DKK2: variants seen among roughly 807,000 people sequenced by gnomAD.
DKK2 encodes the protein dickkopf-related protein 2.
DKK2 carries 11 observed loss-of-function variants against 28.1 expected under a neutral mutation model. That is an observed-to-expected ratio of 0.39 (90% CI 0.25 to 0.65). The LOEUF (loss-of-function observed/expected upper bound fraction) is 0.65. DKK2 is among the 30% of genes least tolerant of loss of function. The pLI is 0.47. For synonymous variants in DKK2, 135 were observed against 126.5 expected (o/e 1.07, Z -0.45); for missense variants, 326 against 335.5 (o/e 0.97, Z 0.22).
At chr4:106,928,104 TC>T (rs549434176) in intron 1 of DKK2, among the ~76,000 whole-genome samples, 82 of 152,268 alleles carry the variant, frequency 5.4e-4, no homozygotes, top group African/African-American at 1.9e-3. Context: ...CGCATCACCA[TC>T]TTTCCATTCT....
At position 107,035,613 on chromosome 4, in the gene DKK2, G is replaced by A. The variant is rs781009136; in HGVS notation, c.-22C>T. The A allele has an allele frequency of 1.2e-6, 2 of 1,612,364 alleles. No individual in the cohort carries two copies. The highest frequency in any genetic ancestry group is 2.2e-5 in the East Asian group (1 of 44,864). On this transcript the variant is annotated 5_prime_UTR_variant, in exon 1 of 4. Coordinates refer to ENST00000285311, the MANE Select transcript of DKK2 (RefSeq NM_014421.3). ...CCATCTCCCGGCGAGGGGGTCCCCA[G>A]GAAGACGCAAAGCCCGGAGGGGTGG...
At chr4:106,931,751 T>C (rs1194761136) in intron 1 of DKK2, among the ~76,000 whole-genome samples, 2 of 152,136 alleles carry the variant, frequency 1.3e-5, no homozygotes, top group African/African-American at 2.4e-5. Flanking sequence ...TTATAAAATA[T>C]ACAAGTCATC....
chr4:107,009,755 C>A (rs1400459548), intron 1 of DKK2, among the ~76,000 whole-genome samples: 1 of 151,746 alleles, frequency 6.6e-6, no homozygotes, highest in Non-Finnish European at 1.5e-5. Flanking sequence ...CACTTTGACA[C>A]AGCATTGGAA....
At chr4:106,999,667 T>G (rs1360225417) in intron 1 of DKK2, among the ~76,000 whole-genome samples, 1 of 152,142 alleles carries the variant, frequency 6.6e-6, no homozygotes, top group Non-Finnish European at 1.5e-5. Context: ...GTAAGTAAAT[T>G]TTTTCAAATT....
chr4:106,951,647 T>C (rs530065605), intron 1 of DKK2, among the ~76,000 whole-genome samples: 4 of 152,248 alleles, frequency 2.6e-5, no homozygotes, highest in Admixed American at 2.6e-4. Flanking sequence ...AGTAGAAGAA[T>C]GACAGACACC....
At chr4:107,028,362 G>A (rs536099006) in intron 1 of DKK2, among the ~76,000 whole-genome samples, 1 of 152,158 alleles carries the variant, frequency 6.6e-6, no homozygotes, top group Non-Finnish European at 1.5e-5. Context: ...CTTATTTGGT[G>A]CATGAGCATT....
At chr4:106,930,563 G>T (rs1724487090) in intron 1 of DKK2, among the ~76,000 whole-genome samples, 1 of 152,164 alleles carries the variant, frequency 6.6e-6, no homozygotes, top group South Asian at 2.1e-4. Flanking sequence ...ATTTAATGAT[G>T]AGAGGAAGAA....
intron 1 of DKK2, among the ~76,000 whole-genome samples, chr4:106,954,026 A>G (rs1033475795): frequency 6.6e-6 from 1 of 152,172 alleles, no homozygotes; most frequent in African/African-American, 2.4e-5. Flanking sequence ...TATAATAATA[A>G]CTACTATTTA....
At chr4:106,970,731 T>C (rs961240566) in intron 1 of DKK2, among the ~76,000 whole-genome samples, 6 of 152,094 alleles carry the variant, frequency 3.9e-5, no homozygotes, top group Non-Finnish European at 8.8e-5. Context: ...AAAGTGGCAC[T>C]GCTGATCATT....
chr4:106,966,874 C>T (rs1722788843), intron 1 of DKK2, among the ~76,000 whole-genome samples: 1 of 152,132 alleles, frequency 6.6e-6, no homozygotes, highest in South Asian at 2.1e-4. Flanking sequence ...CAATCACCTC[C>T]CCCCTGGTTC....
At chr4:106,933,528 A>G (rs1483146596) in intron 1 of DKK2, among the ~76,000 whole-genome samples, 1 of 152,214 alleles carries the variant, frequency 6.6e-6, no homozygotes, top group East Asian at 1.9e-4. Flanking sequence ...AGAGCTGTCA[A>G]CACACCCATT....
intron 1 of DKK2, among the ~76,000 whole-genome samples, chr4:106,942,732 C>T (rs967155354): frequency 2.0e-5 from 3 of 152,066 alleles, no homozygotes; most frequent in African/African-American, 7.2e-5. Flanking sequence ...TTTTATACAA[C>T]TTTGCTAGGG....
At chr4:107,026,751 A>C (rs1223206629) in intron 1 of DKK2, among the ~76,000 whole-genome samples, 1 of 152,184 alleles carries the variant, frequency 6.6e-6, no homozygotes, top group East Asian at 1.9e-4. Flanking sequence ...GACTCCAGAA[A>C]ATATGAGGTT....
chr4:106,966,118 T>A (rs540131003), intron 1 of DKK2, among the ~76,000 whole-genome samples: 1 of 152,258 alleles, frequency 6.6e-6, no homozygotes, highest in Admixed American at 6.6e-5. Context: ...TAAAAATAAT[T>A]TGGGAAAATG....
intron 1 of DKK2, among the ~76,000 whole-genome samples, chr4:107,005,249 G>C (rs1402972577): frequency 6.7e-6 from 1 of 150,032 alleles, no homozygotes; most frequent in African/African-American, 2.4e-5. Flanking sequence ...GCTGAGGCAG[G>C]AGCAAGGCGT....
chr4:106,943,776 G>T (rs1207498494), intron 1 of DKK2, among the ~76,000 whole-genome samples: 1 of 151,948 alleles, frequency 6.6e-6, no homozygotes, highest in African/African-American at 2.4e-5. Context: ...TTTCTAAGTG[G>T]CATACATTAT....
chr4:106,941,107 A>G (rs1218924571), intron 1 of DKK2, among the ~76,000 whole-genome samples: 3 of 152,148 alleles, frequency 2.0e-5, no homozygotes, highest in Admixed American at 6.5e-5. Context: ...TTAAAGTATA[A>G]TAAAAAATAA....
intron 1 of DKK2, among the ~76,000 whole-genome samples, chr4:107,004,187 A>T (rs930540044): frequency 5.9e-5 from 9 of 152,116 alleles, no homozygotes; most frequent in Admixed American, 1.3e-4. Context: ...TGCTAGCATT[A>T]CTCAGTCTCA....
intron 1 of DKK2, among the ~76,000 whole-genome samples, chr4:106,979,522 T>C (rs1722996035): frequency 6.6e-6 from 1 of 152,020 alleles, no homozygotes. Context: ...ATATCTTGGA[T>C]TTTAACTGCC....
Sources: allele counts gnomAD v4.1 joint callset (sites outside exome capture counted in the v4.1 genomes callset), GRCh38; gene constraint gnomAD v4.1.1; transcripts MANE v1.5; gene names NCBI Gene and HGNC (gene_info 2026-07-23, HGNC 2026-07-21).